The following SHC3 variants were observed in gnomAD, a reference collection of about 807,000 sequenced individuals.
SHC3 encodes SHC adaptor protein 3, also known as SHC-transforming protein 3.
SHC3 carries 15 observed loss-of-function variants against 60.4 expected under a neutral mutation model. That is an observed-to-expected ratio of 0.25 (90% CI 0.17 to 0.38). The LOEUF is 0.38. Ranked by LOEUF, SHC3 falls within the 10% of genes least tolerant of loss-of-function variation. The pLI is 1.00. For missense variants in SHC3, 677 were observed against 786.1 expected, an observed-to-expected ratio of 0.86 and a Z score of 1.66; for synonymous variants, 294 against 325.9, an observed-to-expected ratio of 0.90 and a Z score of 1.05.
chr9:89,062,075 T>C (rs967014630), intron 6 of SHC3, among the ~76,000 whole-genome samples: 2 of 152,244 alleles, frequency 1.3e-5, no homozygotes, highest in Non-Finnish European at 2.9e-5. Flanking sequence ...ACGAATTACA[T>C]GCCTTCTGTA....
At chr9:89,116,421 G>A (rs1164671629) in intron 1 of SHC3, among the ~76,000 whole-genome samples, 1 of 151,986 alleles carries the variant, frequency 6.6e-6, no homozygotes, top group African/African-American at 2.4e-5. Flanking sequence ...AGAGTTACGT[G>A]AATACAACCA....
intron 2 of SHC3, among the ~76,000 whole-genome samples, chr9:89,087,550 C>T (rs1323111306): frequency 6.6e-6 from 1 of 152,202 alleles, no homozygotes; most frequent in Non-Finnish European, 1.5e-5. Context: ...TCCCACATGC[C>T]TGCTTCTTGT....
intron 5 of SHC3, among the ~76,000 whole-genome samples, chr9:89,067,155 G>A (rs186925652): frequency 6.6e-6 from 1 of 152,314 alleles, no homozygotes; most frequent in East Asian, 1.9e-4. Flanking sequence ...CTGGCTTCTG[G>A]TCATTTCCAT....
intron 2 of SHC3, among the ~76,000 whole-genome samples, chr9:89,084,525 G>C (rs568714861): frequency 3.3e-5 from 5 of 152,116 alleles, no homozygotes; most frequent in Non-Finnish European, 7.4e-5. Flanking sequence ...TTCCTTTCAT[G>C]GTTTAAGTAA....
In SHC3 at chr9:89,007,262, G is replaced by T; in HGVS notation, c.*6185C>A. 1 of 152,164 alleles carries T rather than the reference G, an allele frequency of 6.6e-6. No individual in the cohort carries two copies. The allele number at this position is 152,164 out of a possible 1,614,324, so 9.4% of individuals were successfully genotyped here. ...TCCTGAGCCTTCCACACTCTTCTCC[G>T]TGCCACTAACACTCAGTATCTGACG... On this transcript the variant is annotated 3_prime_UTR_variant, in exon 12 of 12. Coordinates refer to ENST00000375835, the MANE Select transcript of SHC3 (RefSeq NM_016848.6).
chr9:89,135,055 T>C (rs1425672070), intron 1 of SHC3, among the ~76,000 whole-genome samples: 1 of 152,218 alleles, frequency 6.6e-6, no homozygotes, highest in Non-Finnish European at 1.5e-5. Context: ...GAAATTATTT[T>C]TGAGTAATCT....
chr9:89,036,970 A>G (rs1824589112), intron 11 of SHC3, among the ~76,000 whole-genome samples: 1 of 151,744 alleles, frequency 6.6e-6, no homozygotes, highest in South Asian at 2.1e-4. Context: ...TGTTAAAAAA[A>G]AAAAAAAAGA....
At chr9:89,078,038 AG>A (rs1825388075) in intron 2 of SHC3, 135 bp from the exon 3 acceptor site, 1 of 973,540 alleles carries the variant, frequency 1.0e-6, no homozygotes, top group South Asian at 1.5e-5. Context: ...CCAATTTGGG[AG>A]TCATCCGATT....
chr9:89,162,728 A>C lies in SHC3; in HGVS notation c.474+15259T>G, dbSNP rs1477186102. On this transcript the variant is annotated intron_variant, in intron 1 of 11. Coordinates refer to ENST00000375835, the MANE Select transcript of SHC3 (RefSeq NM_016848.6). ...ACACCAAAAGCAATGGCAACAGAAGACAAAATTGACAAATGGGATCTAATT... is the reference window on the plus strand; with the variant it reads ...ACACCAAAAGCAATGGCAACAGAAGCCAAAATTGACAAATGGGATCTAATT... 2.3e-4 allele frequency among the ~76,000 whole-genome samples: 34 copies of C among 150,712 alleles called. 1 individual carries two copies. The highest frequency in any genetic ancestry group is 7.6e-4 in the African/African-American group (31 of 40,796).
intron 11 of SHC3, chr9:89,037,241 A>T: frequency 4.4e-6 from 2 of 450,666 alleles, no homozygotes; most frequent in South Asian, 3.8e-5. Flanking sequence ...CAAAGGCTTC[A>T]TCCCTCCCTG....
At chr9:89,050,374 C>T (rs1207149562) in intron 7 of SHC3, among the ~76,000 whole-genome samples, 1 of 152,210 alleles carries the variant, frequency 6.6e-6, no homozygotes, top group Non-Finnish European at 1.5e-5. Flanking sequence ...CAACCGCCAC[C>T]TCCCGAGTTC....
intron 1 of SHC3, among the ~76,000 whole-genome samples, chr9:89,134,976 T>C (rs1826298729): frequency 1.3e-5 from 2 of 152,150 alleles, no homozygotes. Flanking sequence ...AGCAATTGAG[T>C]AAAGTATACT....
At chr9:89,027,054 A>G (rs569453606) in intron 11 of SHC3, among the ~76,000 whole-genome samples, 1 of 152,346 alleles carries the variant, frequency 6.6e-6, no homozygotes, top group African/African-American at 2.4e-5. Context: ...CGTGGTGACC[A>G]AACAGGAAAT....
At chr9:89,044,615 G>T (rs540883525) in intron 9 of SHC3, among the ~76,000 whole-genome samples, 2 of 152,154 alleles carry the variant, frequency 1.3e-5, no homozygotes, top group Non-Finnish European at 2.9e-5. Context: ...AGGGAAAAAG[G>T]TTAAAATTAA....
intron 1 of SHC3, among the ~76,000 whole-genome samples, chr9:89,124,107 C>T (rs552985579): frequency 1.3e-5 from 2 of 152,046 alleles, no homozygotes; most frequent in Admixed American, 6.5e-5. Context: ...CATCACTGGT[C>T]ATCAGGGAAA....
intron 11 of SHC3, among the ~76,000 whole-genome samples, chr9:89,024,270 T>G (rs1826251551): frequency 1.3e-5 from 2 of 152,144 alleles, no homozygotes; most frequent in Non-Finnish European, 2.9e-5. Context: ...TATTTATGGA[T>G]TTGTTTATTT....
At chr9:89,051,059 AGAAAT>A (rs1457467213) in intron 7 of SHC3, among the ~76,000 whole-genome samples, 1 of 152,232 alleles carries the variant, frequency 6.6e-6, no homozygotes, top group African/African-American at 2.4e-5. Flanking sequence ...AAAGAGGAAA[AGAAAT>A]GAAAAGTCTC....
At chr9:89,052,266 T>G in intron 6 of SHC3, 103 bp from the exon 7 acceptor site, 1 of 1,420,656 alleles carries the variant, frequency 7.0e-7, no homozygotes, top group Non-Finnish European at 9.5e-7. Flanking sequence ...GAGAGGTGCA[T>G]GCTTCTTCCA....
intron 2 of SHC3, among the ~76,000 whole-genome samples, chr9:89,094,113 A>AG (rs201265391): frequency 0.014 from 2,057 of 151,892 alleles, 48 homozygotes; most frequent in African/African-American, 0.045. Context: ...CAAAAAAAAA[A>AG]AAAAAAAGAA....
Sources: gnomAD v4.1 joint callset for allele counts (sites outside exome capture counted in the v4.1 genomes callset) on GRCh38, gnomAD v4.1.1 for gene constraint, MANE v1.5 for transcripts, NCBI Gene and HGNC (gene_info 2026-07-23, HGNC 2026-07-21) for gene names.